Variants in ABCB4 observed in about 807,000 individuals in gnomAD.
ABCB4 encodes phosphatidylcholine translocator ABCB4.
In ABCB4, 76 loss-of-function variants were observed where a neutral mutation model predicts 145.7. That is an observed-to-expected ratio of 0.52 (90% CI 0.43 to 0.63). ABCB4 has a LOEUF of 0.63. ABCB4 is among the 30% of genes least tolerant of loss of function. The pLI is 0.00. For synonymous variants in ABCB4, 517 were observed against 566.8 expected (o/e 0.91, Z 1.25); for missense variants, 1,234 against 1,553.1 (o/e 0.79, Z 3.45).
chr7:87,426,862 G>C lies in ABCB4; in HGVS notation c.1952C>G (p.Thr651Ser), dbSNP rs45476795. 10 of 1,613,810 alleles carry C rather than the reference G, an allele frequency of 6.2e-6. No homozygotes were observed. The Admixed American group carries it at 1.7e-4, about 27-fold the overall frequency. Residue 651 changes from threonine (T) to serine (S), a missense_variant, in exon 16 of 28, where the codon ACT (threonine) becomes AGT (serine). Thr to Ser is a moderately conservative substitution (Grantham distance 58). Transcript: ENST00000649586. ...EFELNDEKAA[T>S]RMAPNGWKSR... ...TTTCCAGCCATTTGGGGCCATTCTA[G>C]TGGCAGCCTTTTCATCATTTAGTTC...
chr7:87,375,922 G>A, the ABCB4 span: 1 of 1,612,364 alleles, frequency 6.2e-7, no homozygotes, highest in Middle Eastern at 1.7e-4. Flanking sequence ...GAGGATAGCA[G>A]TCCACATGTA....
At chr7:87,411,164 G>GA (rs548531867) in intron 23 of ABCB4, among the ~76,000 whole-genome samples, 79 of 147,742 alleles carry the variant, frequency 5.3e-4, no homozygotes, top group African/African-American at 1.4e-3. Flanking sequence ...AATTTTGGAT[G>GA]AAAAAAAAAA....
intron 3 of ABCB4, among the ~76,000 whole-genome samples, chr7:87,468,941 T>TAAAATAAAATAAAATAAAATAAAATA (rs1554416079): frequency 7.2e-6 from 1 of 138,878 alleles, no homozygotes; most frequent in African/African-American, 2.9e-5. Flanking sequence ...AAAAAATAAA[T>TAAAATAAAATAAAATAAAATAAAATA]AAATAAAATA....
At chr7:87,419,618 G>A (rs1471576923) in intron 19 of ABCB4, among the ~76,000 whole-genome samples, 1 of 152,094 alleles carries the variant, frequency 6.6e-6, no homozygotes, top group African/African-American at 2.4e-5. Flanking sequence ...GAGATTAAAT[G>A]CTATCAACTA....
chr7:87,441,443 T>G (rs1810981360), intron 12 of ABCB4, among the ~76,000 whole-genome samples: 1 of 152,200 alleles, frequency 6.6e-6, no homozygotes, highest in Admixed American at 6.5e-5. Context: ...TTTTTACAAA[T>G]CTTTATATAT....
downstream of ABCB4, among the ~76,000 whole-genome samples, chr7:87,397,217 A>G (rs31649): frequency 0.91 from 138,225 of 152,060 alleles, 63,090 homozygotes; most frequent in African/African-American, 0.97. Context: ...CTGGTGTGGT[A>G]GCACACACCT....
chr7:87,388,941 C>T, the ABCB4 span, among the ~76,000 whole-genome samples: 1 of 151,990 alleles, frequency 6.6e-6, no homozygotes. Context: ...AAAAAAACAA[C>T]CCCATCAAAA....
Position 87,422,171 on chromosome 7 carries a change from A to G in ABCB4, c.2266T>C (p.Leu756=). The change falls in exon 18 of 28, where the codon TTG becomes CTG. Residue 756 remains leucine (L), a synonymous_variant. Coordinates refer to ENST00000649586, the MANE Select transcript of ABCB4 (RefSeq NM_000443.4). The stretch of plus-strand genomic sequence containing the variant: ...ATAATTCCCAGAAATAAGAAAATCA[A>G]AGAGAATATGTTGCACTTCTGCTGC... ...VKQQKCNIFS[L]IFLFLGIISF... is the part of the protein sequence containing the mutation. The G allele has an allele frequency of 1.2e-6, 2 of 1,613,652 alleles. No individual in the cohort carries two copies. The highest frequency in any genetic ancestry group is 1.7e-6 in the Non-Finnish European group (2 of 1,179,720).
Position 87,433,954 on chromosome 7 carries a change from G to A in ABCB4, c.1732-2389C>T, listed in dbSNP as rs573457687. ...TTTCATTCTTTTTTTTTTTTGAGAT[G>A]GAGTCTTGCTCTGTTGCCAGGCTGG... On this transcript the variant is annotated intron_variant, in intron 14 of 27. Transcript: ENST00000649586. Among the ~76,000 whole-genome samples, 54 of 149,424 alleles carry A rather than the reference G, an allele frequency of 3.6e-4. 1 individual carries two copies. The highest frequency in any genetic ancestry group is 1.1e-3 in the African/African-American group (46 of 40,526).
chr7:87,474,348 C>T (rs1294379962), intron 2 of ABCB4, among the ~76,000 whole-genome samples: 1 of 152,148 alleles, frequency 6.6e-6, no homozygotes. Context: ...CCATCTATCA[C>T]TTTTTCAATT....
chr7:87,409,014 T>C (rs1275851335), intron 24 of ABCB4, among the ~76,000 whole-genome samples: 1 of 149,790 alleles, frequency 6.7e-6, no homozygotes, highest in Non-Finnish European at 1.5e-5. Flanking sequence ...GGTTTTCCCT[T>C]TTTTTTTTAT....
At chr7:87,456,711 ACT>A (rs45550831) in intron 4 of ABCB4, among the ~76,000 whole-genome samples, 29 of 151,708 alleles carry the variant, frequency 1.9e-4, no homozygotes, top group Admixed American at 1.4e-3. Flanking sequence ...ACTCAAATTG[ACT>A]CTCCCTCCTA....
At chr7:87,456,975 C>T (rs1392149181) in intron 4 of ABCB4, among the ~76,000 whole-genome samples, 3 of 152,018 alleles carry the variant, frequency 2.0e-5, no homozygotes, top group Non-Finnish European at 1.5e-5. Flanking sequence ...GTCTCATAAA[C>T]GATATCTACA....
chr7:87,475,334 A>G (rs2117007112), intron 2 of ABCB4, 52 bp downstream of exon 2: 5 of 1,600,722 alleles, frequency 3.1e-6, no homozygotes, highest in Admixed American at 1.7e-5. Flanking sequence ...GGGTGAACTT[A>G]GTCCTGCTGA....
chr7:87,454,704 T>C (rs1811996360), intron 4 of ABCB4, 112 bp from the exon 5 acceptor site: 1 of 812,932 alleles, frequency 1.2e-6, no homozygotes, highest in Admixed American at 2.6e-5. Flanking sequence ...GAAGATGCTA[T>C]TGTTAAGTTT....
rs1358127273 is a variant in ABCB4 at position 87,406,361 on chromosome 7, A to G, written c.3413T>C (p.Val1138Ala). Residue 1138 changes from valine to alanine, a missense_variant, in exon 26 of 28, where the codon GTT (valine) becomes GCT (alanine). Coordinates refer to ENST00000649586, the MANE Select transcript of ABCB4 (RefSeq NM_000443.4). The stretch of plus-strand genomic sequence containing the variant: ...ACTCACAATTTCATCCTGTGATACA[A>G]CCCGGCTGTTGTCTCCATAGGCAAT... ...ENIAYGDNSRVVSQDEIVSAA... is the reference protein window; with the variant it reads ...ENIAYGDNSRAVSQDEIVSAA... The G allele has an allele frequency of 6.2e-7, 1 of 1,613,878 alleles. No homozygotes were observed. The highest frequency in any genetic ancestry group is 1.7e-5 in the Admixed American group (1 of 59,976).
In ABCB4 at chr7:87,413,597, G is replaced by A; in HGVS notation, c.2783+20C>T. On this transcript the variant is annotated intron_variant, in intron 22 of 27. Coordinates refer to ENST00000649586, the MANE Select transcript of ABCB4 (RefSeq NM_000443.4). ...TTAGGAAAGCACTAGGTTCTTAGCA[G>A]GAATCATATGGTTCATTACCTGTAA... The A allele has an allele frequency of 6.9e-7, 1 of 1,449,726 alleles. No homozygotes were observed. Among genetic ancestry groups the A allele is most frequent in the Non-Finnish European group, 9.7e-7 (1 of 1,032,362 alleles). The allele number at this position is 1,449,726 out of a possible 1,614,324, so 89.8% of individuals were successfully genotyped here.
intron 6 of ABCB4, chr7:87,452,709 A>G (rs1811827835): frequency 3.5e-6 from 2 of 570,602 alleles, no homozygotes; most frequent in Admixed American, 3.1e-5. Context: ...TGAGAAATAA[A>G]CAGGTATAAG....
chr7:87,453,077 C>T lies in ABCB4; in HGVS notation c.403G>A (p.Val135Ile), dbSNP rs1199379523. Residue 135 changes from valine to isoleucine, a missense_variant, in exon 6 of 28, where the codon GTT becomes ATT. Transcript: ENST00000649586. ...AGVLVAAYIQ[V>I]SFWTLAAGRQ... ...CCAGCTGCCAAAGTCCAAAATGAAA[C>T]TTGTATATAGGCAGCAACAAGAACT... 1.9e-6 allele frequency: 3 copies of T among 1,613,956 alleles called. No homozygotes were observed. In the African/African-American group the frequency reaches 4.0e-5, roughly 22 times the overall value.
Sources: allele counts gnomAD v4.1 joint callset (sites outside exome capture counted in the v4.1 genomes callset), GRCh38; gene constraint gnomAD v4.1.1; transcripts MANE v1.5; gene names NCBI Gene and HGNC (gene_info 2026-07-23, HGNC 2026-07-21).